Variants in DCP1B observed in about 807,000 individuals in gnomAD.
The protein encoded by DCP1B is mRNA-decapping enzyme 1B.
Under a neutral mutation model 60.5 loss-of-function variants are expected in DCP1B, and 47 were observed. The observed-to-expected ratio is 0.78, with a 90% confidence interval of 0.61 to 0.99. The LOEUF (loss-of-function observed/expected upper bound fraction) is 0.99. Among genes scored for constraint, DCP1B ranks in the 50% least tolerant of loss-of-function variants. The pLI is 0.00. For synonymous variants in DCP1B, 267 were observed against 280.3 expected (o/e 0.95, Z 0.47); for missense variants, 725 against 756.8 (o/e 0.96, Z 0.49).
At chr12:1,993,058 A>T in intron 3 of DCP1B, 1 of 725,092 alleles carries the variant, frequency 1.4e-6, no homozygotes, top group Non-Finnish European at 2.4e-6. Context: ...TTATATCATC[A>T]TATTTATATT....
rs542750903 is a variant in DCP1B at position 1,949,061 on chromosome 12, G to A, written c.1773+25C>T. ...GAGGCCAACAGGCGTGGTCAGGTGC[G>A]AAGGGAGATGACGTGCTTGCTTACC... On this transcript the variant is annotated intron_variant, in intron 8 of 8. Transcript: ENST00000280665. 299 of 1,603,872 alleles carry A rather than the reference G, an allele frequency of 1.9e-4. 2 individuals are homozygous for A. The South Asian group carries it at 2.7e-3, about 14-fold the overall frequency.
chr12:1,995,004 G>C (rs113948889), intron 2 of DCP1B, among the ~76,000 whole-genome samples: 4,160 of 149,660 alleles, frequency 0.028, 96 homozygotes, highest in Middle Eastern at 0.058. Context: ...TTGTTTTGCA[G>C]GGGATAAGGG....
In DCP1B at chr12:1,946,156, T is replaced by C. The variant is rs2030411999; in HGVS notation, c.*50A>G. On this transcript the variant is annotated 3_prime_UTR_variant, in exon 9 of 9. Coordinates refer to ENST00000280665, the MANE Select transcript of DCP1B (RefSeq NM_152640.5). ...CAACACTCAACATGAAAGAACCTTGTGCCGGAGTTCTAGAAGGACCTTGAA... is the reference window on the plus strand; with the variant it reads ...CAACACTCAACATGAAAGAACCTTGCGCCGGAGTTCTAGAAGGACCTTGAA... The C allele has an allele frequency of 1.5e-6, 2 of 1,373,060 alleles. No individual in the cohort carries two copies. The highest frequency in any genetic ancestry group is 2.9e-5 in the African/African-American group (2 of 67,878). 85.1% of individuals were successfully genotyped at this position (1,373,060 alleles called of 1,614,324 possible).
At chr12:2,000,941 G>A (rs1190098272) in intron 1 of DCP1B, among the ~76,000 whole-genome samples, 2 of 152,018 alleles carry the variant, frequency 1.3e-5, no homozygotes, top group East Asian at 3.8e-4. Flanking sequence ...GGAGGCTGAG[G>A]CAGGAGAATA....
At chr12:1,983,843 T>TA (rs563139361) in intron 3 of DCP1B, among the ~76,000 whole-genome samples, 1,695 of 148,340 alleles carry the variant, frequency 0.011, 27 homozygotes, top group African/African-American at 0.034. Context: ...ACTGCAGAAT[T>TA]AAAAAAAAAA....
intron 5 of DCP1B, among the ~76,000 whole-genome samples, chr12:1,963,282 A>G (rs1226384840): frequency 6.6e-6 from 1 of 152,200 alleles, no homozygotes. Context: ...TGCCTGAGTC[A>G]ATTATTTTAA....
chr12:1,978,124 G>A (rs1011994214), intron 3 of DCP1B, among the ~76,000 whole-genome samples: 1 of 152,130 alleles, frequency 6.6e-6, no homozygotes, highest in Non-Finnish European at 1.5e-5. Flanking sequence ...TTTTGGCAAA[G>A]AGAAATCTTG....
intron 1 of DCP1B, among the ~76,000 whole-genome samples, chr12:2,002,736 G>A (rs1416350098): frequency 6.6e-6 from 1 of 151,996 alleles, no homozygotes; most frequent in African/African-American, 2.4e-5. Context: ...TCTCTACTAC[G>A]GAATTACTTT....
intron 3 of DCP1B, among the ~76,000 whole-genome samples, chr12:1,979,177 T>A (rs940092401): frequency 4.6e-5 from 7 of 152,200 alleles, no homozygotes; most frequent in Non-Finnish European, 1.0e-4. Context: ...CGAGCCTGGC[T>A]AATTTTTTTT....
chr12:1,995,108 T>C (rs1593288405), intron 2 of DCP1B, among the ~76,000 whole-genome samples: 1 of 152,094 alleles, frequency 6.6e-6, no homozygotes, highest in East Asian at 1.9e-4. Flanking sequence ...TAATTGAGAG[T>C]TCCATTAGAG....
intron 3 of DCP1B, among the ~76,000 whole-genome samples, chr12:1,989,817 G>C (rs2038893326): frequency 6.6e-6 from 1 of 152,218 alleles, no homozygotes; most frequent in African/African-American, 2.4e-5. Context: ...ATCTTATTTA[G>C]TTGCGAAATG....
At chr12:1,974,565 A>G (rs2033693023) in intron 3 of DCP1B, among the ~76,000 whole-genome samples, 1 of 152,196 alleles carries the variant, frequency 6.6e-6, no homozygotes, top group Non-Finnish European at 1.5e-5. Context: ...CTAAGAGCTC[A>G]AAGGATGCAA....
intron 7 of DCP1B, 115 bp from the exon 8 acceptor site, chr12:1,949,449 G>A: frequency 9.7e-6 from 14 of 1,443,324 alleles, no homozygotes; most frequent in Non-Finnish European, 1.3e-5. Context: ...TTTCCTAGCT[G>A]AGAAAAGTTT....
intron 6 of DCP1B, among the ~76,000 whole-genome samples, chr12:1,953,619 T>G (rs2030774419): frequency 6.6e-6 from 1 of 152,120 alleles, no homozygotes; most frequent in East Asian, 1.9e-4. Flanking sequence ...ATAAACAATC[T>G]GTTCAATAGG....
chr12:1,991,067 T>C, intron 3 of DCP1B: 1 of 455,700 alleles, frequency 2.2e-6, no homozygotes, highest in Non-Finnish European at 4.4e-6. Context: ...CTGATTCTAT[T>C]TCTTTTGTAT....
chr12:1,997,059 A>G (rs979498494), intron 2 of DCP1B, among the ~76,000 whole-genome samples: 42 of 152,226 alleles, frequency 2.8e-4, no homozygotes, highest in African/African-American at 1.0e-3. Context: ...CAATATACAT[A>G]ATGTATGTCT....
chr12:1,969,176 A>C (rs2031624048), intron 3 of DCP1B, among the ~76,000 whole-genome samples: 1 of 152,226 alleles, frequency 6.6e-6, no homozygotes, highest in Admixed American at 6.5e-5. Flanking sequence ...TTTGCTGTTA[A>C]AACAGCTATG....
chr12:1,952,509 A>C lies in DCP1B; in HGVS notation c.1431T>G (p.Phe477Leu). The change falls in exon 7 of 9, where the codon TTT becomes TTG. Residue 477 changes from phenylalanine to leucine, a missense_variant. Coordinates refer to ENST00000280665, the MANE Select transcript of DCP1B (RefSeq NM_152640.5). ...TTCCAGAGCTCTGAGCGAGCACAGG[A>C]AACTTAGCGGCCAAGGCTGGCCGGT... ...ASNRPALAAK[F>L]PVLAQSSGTG... 6.2e-7 allele frequency: 1 copy of C among 1,614,162 alleles called. No individual in the cohort carries two copies. The highest frequency in any genetic ancestry group is 8.5e-7 in the Non-Finnish European group (1 of 1,180,024).
chr12:1,957,912 A>T (rs774894000), intron 5 of DCP1B, among the ~76,000 whole-genome samples: 76 of 152,230 alleles, frequency 5.0e-4, no homozygotes, highest in Non-Finnish European at 9.8e-4. Context: ...ACTTCTTGGG[A>T]TGTTCACAAA....
Sources: gnomAD v4.1 joint callset for allele counts (sites outside exome capture counted in the v4.1 genomes callset) on GRCh38, gnomAD v4.1.1 for gene constraint, MANE v1.5 for transcripts, NCBI Gene and HGNC (gene_info 2026-07-23, HGNC 2026-07-21) for gene names.